The following SAXO1 variants were observed in gnomAD, a reference collection of about 807,000 sequenced individuals.
The protein encoded by SAXO1 is stabilizer of axonemal microtubules 1.
A neutral mutation model predicts 17.5 loss-of-function variants in SAXO1; 21 were observed. The ratio of observed to expected loss-of-function variants is 1.20; its 90% CI spans 0.85 to 1.72. SAXO1 has a LOEUF of 1.72. Ranked by LOEUF, SAXO1 falls within the 40% of genes most tolerant of loss-of-function variation. The pLI, the probability that SAXO1 is intolerant of heterozygous loss-of-function variation, is 0.00. For missense variants in SAXO1, 843 were observed against 596.0 expected, an observed-to-expected ratio of 1.41 and a Z score of -4.32; for synonymous variants, 274 against 216.5, an observed-to-expected ratio of 1.27 and a Z score of -2.33.
intron 1 of SAXO1, among the ~76,000 whole-genome samples, chr9:19,013,108 A>G (rs962679878): frequency 1.4e-4 from 22 of 152,152 alleles, no homozygotes; most frequent in Non-Finnish European, 4.4e-5. Flanking sequence ...GGCCTTCCAG[A>G]TAGATCCTGG....
intron 1 of SAXO1, among the ~76,000 whole-genome samples, chr9:19,004,249 G>T (rs953834081): frequency 6.6e-6 from 1 of 152,212 alleles, no homozygotes; most frequent in Non-Finnish European, 1.5e-5. Flanking sequence ...TGCTGGAGAG[G>T]ATGTGGAGAA....
intron 1 of SAXO1, among the ~76,000 whole-genome samples, chr9:19,038,679 T>C (rs199695488): frequency 2.0e-5 from 3 of 151,198 alleles, no homozygotes; most frequent in East Asian, 2.0e-4. Flanking sequence ...ATGGGTGCAG[T>C]ACACCAGCAT....
intron 1 of SAXO1, among the ~76,000 whole-genome samples, chr9:19,015,643 C>CT (rs34096432): frequency 0.034 from 4,798 of 142,270 alleles, 109 homozygotes; most frequent in Middle Eastern, 0.07. Flanking sequence ...ACGCCTGGCC[C>CT]TTTTTTTTTT....
chr9:18,977,868 G>A (rs1023862826), intron 1 of SAXO1, among the ~76,000 whole-genome samples: 3 of 151,830 alleles, frequency 2.0e-5, no homozygotes, highest in Admixed American at 6.6e-5. Flanking sequence ...GATGGAGCGT[G>A]CCTGTAATGC....
chr9:19,014,479 T>TAAAAAAAAAAAAAAAAAAAA (rs1834886536), intron 1 of SAXO1, among the ~76,000 whole-genome samples: 1 of 106,704 alleles, frequency 9.4e-6, no homozygotes, highest in Non-Finnish European at 2.2e-5. Flanking sequence ...AAAAAAAAAG[T>TAAAAAAAAAAAAAAAAAAAA]TAATTAATTA....
rs34932739 is a variant in SAXO1, at chr9:18,928,538, G to C, written c.939C>G (p.Cys313Trp). Residue 313 changes from cysteine to tryptophan, a missense_variant, in exon 4 of 4, where the codon TGC (cysteine) becomes TGG (tryptophan). Coordinates refer to ENST00000380534, the MANE Select transcript of SAXO1 (RefSeq NM_153707.4). The part of the protein sequence containing the change: ...LLTTVQAHYT[C>W]PKGAPAQSCR... ...AGGACTGAGCTGGGGCACCCTTAGG[G>C]CATGTGTAATGGGCCTGCACTGTTG... The C allele has an allele frequency of 0.038, 60,579 of 1,614,016 alleles. 1,662 individuals are homozygous for C. Among genetic ancestry groups the C allele is most frequent in the South Asian group, 0.12 (10,543 of 91,040 alleles).
At chr9:19,017,663 T>G (rs1011792550) in intron 1 of SAXO1, among the ~76,000 whole-genome samples, 5 of 152,188 alleles carry the variant, frequency 3.3e-5, no homozygotes, top group Non-Finnish European at 5.9e-5. Context: ...AACAAACCAG[T>G]GTCCATTTTA....
intron 1 of SAXO1, among the ~76,000 whole-genome samples, chr9:18,975,760 T>C (rs957034026): frequency 6.6e-6 from 1 of 152,130 alleles, no homozygotes; most frequent in Admixed American, 6.5e-5. Flanking sequence ...TCAGAGCACA[T>C]ATTATGGTGG....
chr9:19,014,141 C>A (rs1834866705), intron 1 of SAXO1, among the ~76,000 whole-genome samples: 1 of 151,986 alleles, frequency 6.6e-6, no homozygotes, highest in Non-Finnish European at 1.5e-5. Context: ...GTTCTGTAAT[C>A]AATGGAGAAC....
rs144756830 is a variant in SAXO1 at position 18,969,087 on chromosome 9, A to G, written c.39-18150T>C. ...TTTTTTTTGTCTAAATTAAGGAAAT[A>G]TGTATACAAATCCCTAAGCAGTGGG... On this transcript the variant is annotated intron_variant, in intron 1 of 3. Coordinates refer to ENST00000380534, the MANE Select transcript of SAXO1 (RefSeq NM_153707.4). Among the ~76,000 whole-genome samples, 344 of 152,062 alleles carry G rather than the reference A, an allele frequency of 2.3e-3. 1 individual carries two copies. Among genetic ancestry groups the G allele is most frequent in the African/African-American group, 7.8e-3 (325 of 41,488 alleles).
intron 1 of SAXO1, among the ~76,000 whole-genome samples, chr9:19,046,351 G>C (rs531695935): frequency 6.6e-6 from 1 of 152,038 alleles, no homozygotes; most frequent in Non-Finnish European, 1.5e-5. Context: ...CTGGAAAGTA[G>C]AACAAAAAGA....
chr9:18,956,220 G>T (rs1039901374), intron 1 of SAXO1, among the ~76,000 whole-genome samples: 1 of 151,390 alleles, frequency 6.6e-6, no homozygotes, highest in Non-Finnish European at 1.5e-5. Flanking sequence ...CGAAGTGCTG[G>T]GATTACAGGT....
intron 2 of SAXO1, among the ~76,000 whole-genome samples, chr9:18,942,867 C>A (rs1831631670): frequency 6.6e-6 from 1 of 152,216 alleles, no homozygotes; most frequent in Admixed American, 6.5e-5. Flanking sequence ...TTTTACACAA[C>A]AAACTGTTTT....
rs767456872 is a variant in SAXO1 at position 19,033,113 on chromosome 9, C to T, written c.-205G>A. On this transcript the variant is annotated 5_prime_UTR_variant, in exon 1 of 4. Coordinates refer to ENST00000380534, the MANE Select transcript of SAXO1 (RefSeq NM_153707.4). ...GAGCTGGCCTAGCGCGAGGTAGCAG[C>T]AGGGGGCTTGCACGCGCGCCAGCCC... is the stretch of plus-strand genomic sequence containing the variant. The T allele has an allele frequency of 3.9e-6, 2 of 516,788 alleles. No individual in the cohort carries two copies. Among genetic ancestry groups the T allele is most frequent in the East Asian group, 6.6e-5 (2 of 30,534 alleles). 32.0% of individuals were successfully genotyped at this position (516,788 alleles called of 1,614,324 possible).
rs1394867568 is a variant in SAXO1 at position 18,993,281 on chromosome 9, C to T, written c.38+39590G>A. Reference sequence around the variant, plus strand: ...GCTCTCCCTCCCCTTGCCCCCCACCCCCAGATAGGCCCCGATGTGTGTTGT... The same window carrying T: ...GCTCTCCCTCCCCTTGCCCCCCACCTCCAGATAGGCCCCGATGTGTGTTGT... On this transcript the variant is annotated intron_variant, in intron 1 of 3. Transcript: ENST00000380534. Among the ~76,000 whole-genome samples the T allele has an allele frequency of 2.0e-5, 3 of 151,744 alleles. No individual in the cohort carries two copies. The East Asian group carries it at 5.8e-4, about 29-fold the overall frequency.
chr9:18,943,611 G>A (rs1831669732), intron 2 of SAXO1, among the ~76,000 whole-genome samples: 1 of 152,208 alleles, frequency 6.6e-6, no homozygotes, highest in South Asian at 2.1e-4. Context: ...GCTCCCAAGG[G>A]AAGTTGAGCT....
intron 1 of SAXO1, among the ~76,000 whole-genome samples, chr9:18,971,068 G>A (rs549926726): frequency 3.3e-5 from 5 of 152,124 alleles, no homozygotes; most frequent in South Asian, 2.1e-4. Context: ...ACCCCAGTCC[G>A]ACCTGCACCA....
chr9:19,023,933 G>A (rs142811200), intron 1 of SAXO1, among the ~76,000 whole-genome samples: 1,655 of 140,078 alleles, frequency 0.012, 23 homozygotes, highest in African/African-American at 0.041. Flanking sequence ...GAGCCCAGGA[G>A]TTTGAGACTA....
At chr9:18,993,017 C>T (rs1336283270) in intron 1 of SAXO1, among the ~76,000 whole-genome samples, 2 of 152,070 alleles carry the variant, frequency 1.3e-5, no homozygotes, top group Non-Finnish European at 2.9e-5. Flanking sequence ...TCAGGCTGGT[C>T]TTGAACTCCC....
Sources: gnomAD v4.1 joint callset for allele counts (sites outside exome capture counted in the v4.1 genomes callset) on GRCh38, gnomAD v4.1.1 for gene constraint, MANE v1.5 for transcripts, NCBI Gene and HGNC (gene_info 2026-07-23, HGNC 2026-07-21) for gene names.